Variants in TULP4 observed in about 807,000 individuals in gnomAD.
TULP4 encodes the protein TUB like protein 4.
TULP4 carries 16 observed loss-of-function variants against 129.0 expected under a neutral mutation model. The observed-to-expected ratio is 0.12, with a 90% confidence interval of 0.08 to 0.19. TULP4 has a LOEUF of 0.19. Among genes scored for constraint, TULP4 ranks in the 10% least tolerant of loss-of-function variants. The pLI, the probability that TULP4 is intolerant of heterozygous loss-of-function variation, is 1.00. For synonymous variants in TULP4, 998 were observed against 854.0 expected (o/e 1.17, Z -2.94); for missense variants, 1,842 against 2,059.1 (o/e 0.89, Z 2.04).
rs71030149 is a variant in TULP4, at chr6:158,236,795, C to CTTTTTTT, written n.68+4522_68+4528dup. On this transcript the variant is annotated intron_variant and non_coding_transcript_variant, in intron 1 of 1. Coordinates refer to the TULP4 transcript ENST00000620026. ...AGATGGGTAAATGCCCAATTCTTTTCTTTTTTTTTTTTTTTTTTTTTTTTT... is the reference window on the plus strand; with the variant it reads ...AGATGGGTAAATGCCCAATTCTTTTCTTTTTTTTTTTTTTTTTTTTTTTTTTTTTTTT... Among the ~76,000 whole-genome samples, 9 of 63,298 alleles carry CTTTTTTT rather than the reference C, an allele frequency of 1.4e-4. 1 individual carries two copies. The highest frequency in any genetic ancestry group is 4.3e-4 in the African/African-American group (6 of 13,918). 41.5% of individuals were successfully genotyped at this position (63,298 alleles called of 152,430 possible). A position where few individuals can be genotyped will look rare whatever the true frequency, so the allele number is the denominator to read the frequency against.
At chr6:158,442,798 C>T (rs705960) in intron 3 of TULP4, among the ~76,000 whole-genome samples, 133,850 of 151,464 alleles carry the variant, frequency 0.88, 59,224 homozygotes, top group Admixed American at 0.93. Context: ...TCTGGAGATA[C>T]TCCAATTAAA....
intron 1 of TULP4, among the ~76,000 whole-genome samples, chr6:158,392,974 C>T: frequency 1.4e-5 from 1 of 69,594 alleles, no homozygotes; most frequent in Non-Finnish European, 2.9e-5. Context: ...GAGTGAGACT[C>T]TGTCTGTATT....
intron 3 of TULP4, among the ~76,000 whole-genome samples, chr6:158,448,281 G>C (rs976624148): frequency 5.9e-5 from 9 of 152,310 alleles, no homozygotes; most frequent in Admixed American, 4.6e-4. Flanking sequence ...CACTGTGGTA[G>C]CAAAAGCCCA....
At chr6:158,375,982 C>G (rs573305720) in intron 1 of TULP4, among the ~76,000 whole-genome samples, 13 of 152,274 alleles carry the variant, frequency 8.5e-5, no homozygotes, top group African/African-American at 3.1e-4. Context: ...GCTTTGCTAG[C>G]TAGGGCTGGG....
intron 3 of TULP4, among the ~76,000 whole-genome samples, chr6:158,443,995 G>C (rs1017435043): frequency 1.3e-5 from 2 of 151,830 alleles, no homozygotes; most frequent in Non-Finnish European, 2.9e-5. Flanking sequence ...CAGGGTGGGC[G>C]GATCACAAGG....
intron 1 of TULP4, among the ~76,000 whole-genome samples, chr6:158,336,370 A>G (rs749566559): frequency 3.3e-5 from 5 of 152,168 alleles, no homozygotes; most frequent in East Asian, 1.9e-4. Flanking sequence ...TCTTCTCTCA[A>G]TTTGTTAACT....
chr6:158,395,661 T>A (rs1185257366), intron 1 of TULP4, among the ~76,000 whole-genome samples: 2 of 5,872 alleles, frequency 3.4e-4, no homozygotes, highest in South Asian at 0.01. Context: ...TGAGGTAAAG[T>A]GATGGGCGGG....
chr6:158,332,229 A>AT, intron 1 of TULP4, among the ~76,000 whole-genome samples: 3 of 142,764 alleles, frequency 2.1e-5, no homozygotes, highest in African/African-American at 5.2e-5. Flanking sequence ...ATATATATAT[A>AT]AATTGAAAAG....
Position 158,489,694 on chromosome 6 carries a change from C to G in TULP4, c.1593C>G (p.Pro531=), listed in dbSNP as rs949827905. The G allele has an allele frequency of 3.1e-6, 5 of 1,614,046 alleles. No individual in the cohort carries two copies. The African/African-American group carries it at 5.3e-5, about 17-fold the overall frequency. The part of the protein sequence containing the change: ...LSDDWAAKKS[P]KISRASKSPK... ...ATGACTGGGCTGCCAAGAAATCTCC[C>G]AAAATCTCCAGAGCTAGCAAATCAC... The change falls in exon 9 of 14, where the codon CCC becomes CCG. Residue 531 remains proline (P), a synonymous_variant. Transcript: ENST00000367097.
At chr6:158,297,725 C>G (rs1178532943) in intron 1 of TULP4, among the ~76,000 whole-genome samples, 1 of 152,100 alleles carries the variant, frequency 6.6e-6, no homozygotes, top group Non-Finnish European at 1.5e-5. Context: ...AAGGGTCCAA[C>G]AAAGATCACA....
chr6:158,449,143 G>A lies in TULP4; in HGVS notation c.691G>A (p.Asp231Asn), dbSNP rs1006286014. ...CCTGGTGGAGGACAGCAGCGAGAGC[G>A]ACACGGACTCAGATGACTACGCCCC... Reference protein sequence around the residue: ...IFLVEDSSESDTDSDDYAPPQ... With the variant: ...IFLVEDSSESNTDSDDYAPPQ... Residue 231 changes from aspartate (D) to asparagine (N), a missense_variant, in exon 4 of 14, where the codon GAC (aspartate) becomes AAC (asparagine). By Grantham distance (23) the Asp-to-Asn change is conservative (BLOSUM62 1). Coordinates refer to ENST00000367097, the MANE Select transcript of TULP4 (RefSeq NM_020245.5). 5.6e-6 allele frequency: 9 copies of A among 1,613,690 alleles called. No homozygotes were observed. In the Admixed American group the frequency reaches 6.7e-5, roughly 12 times the overall value.
intron 1 of TULP4, among the ~76,000 whole-genome samples, chr6:158,353,719 G>A (rs1177785915): frequency 6.6e-6 from 1 of 152,188 alleles, no homozygotes. Context: ...TTGTTAATAT[G>A]TTCAAATGCA....
intron 2 of TULP4, among the ~76,000 whole-genome samples, chr6:158,429,154 T>G (rs1050875408): frequency 6.6e-6 from 1 of 152,148 alleles, no homozygotes; most frequent in Non-Finnish European, 1.5e-5. Flanking sequence ...GACTAATTAT[T>G]TTGAGACAGA....
intron 10 of TULP4, among the ~76,000 whole-genome samples, chr6:158,494,318 C>T (rs1780278657): frequency 6.6e-6 from 1 of 152,068 alleles, no homozygotes; most frequent in Non-Finnish European, 1.5e-5. Flanking sequence ...TTTATTTTTG[C>T]CCTTGCATAC....
intron 1 of TULP4, among the ~76,000 whole-genome samples, chr6:158,258,558 G>A (rs892712652): frequency 1.3e-5 from 2 of 152,166 alleles, no homozygotes; most frequent in African/African-American, 4.8e-5. Context: ...CAGAAGGTCC[G>A]TCCTTGCTGC....
chr6:158,486,454 G>A (rs1780070304), intron 8 of TULP4, among the ~76,000 whole-genome samples: 1 of 152,158 alleles, frequency 6.6e-6, no homozygotes, highest in Non-Finnish European at 1.5e-5. Context: ...TCAGGAGGCT[G>A]AGGCAGGAGA....
intron 1 of TULP4, among the ~76,000 whole-genome samples, chr6:158,271,021 G>A (rs1337325026): frequency 1.3e-5 from 2 of 151,976 alleles, no homozygotes; most frequent in African/African-American, 4.8e-5. Context: ...ATGGTGGCAG[G>A]TGCCTATAAT....
At chr6:158,239,618 G>C (rs1583664747) in intron 1 of TULP4, among the ~76,000 whole-genome samples, 1 of 65,920 alleles carries the variant, frequency 1.5e-5, no homozygotes, top group Non-Finnish European at 3.4e-5. Context: ...TCCCGGACGG[G>C]GCGGCTGGCC....
chr6:158,378,511 A>C (rs1777251352), intron 1 of TULP4, among the ~76,000 whole-genome samples: 2 of 121,172 alleles, frequency 1.7e-5, no homozygotes, highest in Admixed American at 9.8e-5. Context: ...GGGAGATGGA[A>C]TCTCGCTCTG....
Sources: allele counts gnomAD v4.1 joint callset (sites outside exome capture counted in the v4.1 genomes callset), GRCh38; gene constraint gnomAD v4.1.1; transcripts MANE v1.5; gene names NCBI Gene and HGNC (gene_info 2026-07-23, HGNC 2026-07-21).